LIMS1: variants seen among roughly 807,000 people sequenced by gnomAD.
LIMS1 encodes LIM zinc finger domain containing 1.
Under a neutral mutation model 44.1 loss-of-function variants are expected in LIMS1, and 18 were observed. The ratio of observed to expected loss-of-function variants is 0.41; its 90% CI spans 0.28 to 0.61. The LOEUF is 0.61. Ranked by LOEUF, LIMS1 falls within the 20% of genes least tolerant of loss-of-function variation. LIMS1 has a pLI of 0.32. For synonymous variants in LIMS1, 93 were observed against 149.1 expected (o/e 0.62, Z 2.74); for missense variants, 201 against 422.0 (o/e 0.48, Z 4.59).
intron 1 of LIMS1, among the ~76,000 whole-genome samples, chr2:108,573,883 A>G (rs148079364): frequency 9.8e-5 from 15 of 152,308 alleles, no homozygotes; most frequent in African/African-American, 3.6e-4. Context: ...GAAGACTTGG[A>G]GCAGCAGAGG....
intron 1 of LIMS1, among the ~76,000 whole-genome samples, chr2:108,590,875 CA>C (rs1262099572): frequency 1.3e-5 from 2 of 152,224 alleles, no homozygotes; most frequent in African/African-American, 4.8e-5. Context: ...ATTTGTTAAA[CA>C]GGGGCTTTGT....
At chr2:108,673,297 T>C (rs1692266335) in intron 5 of LIMS1, 2 of 545,298 alleles carry the variant, frequency 3.7e-6, no homozygotes, top group Admixed American at 3.4e-5. Context: ...TGTGCCTGTA[T>C]ACGCATACCT....
At chr2:108,612,872 A>T (rs1375786067) in intron 1 of LIMS1, among the ~76,000 whole-genome samples, 1 of 152,062 alleles carries the variant, frequency 6.6e-6, no homozygotes, top group Non-Finnish European at 1.5e-5. Flanking sequence ...CCAGTTTCCC[A>T]GAAGCTTCCG....
chr2:108,551,877 G>A (rs1253964213), intron 1 of LIMS1, among the ~76,000 whole-genome samples: 4 of 141,910 alleles, frequency 2.8e-5, no homozygotes, highest in Non-Finnish European at 4.5e-5. Flanking sequence ...GTATACATAT[G>A]TATATATGTG....
At chr2:108,578,893 C>T (rs1685779414) in intron 1 of LIMS1, among the ~76,000 whole-genome samples, 1 of 152,060 alleles carries the variant, frequency 6.6e-6, no homozygotes, top group African/African-American at 2.4e-5. Flanking sequence ...TGCTCCTGGT[C>T]ATGAAATGTA....
chr2:108,544,303 G>A (rs1684414042), intron 1 of LIMS1, among the ~76,000 whole-genome samples: 1 of 152,064 alleles, frequency 6.6e-6, no homozygotes, highest in South Asian at 2.1e-4. Context: ...TCAAAACATG[G>A]GCTGCAGACT....
At chr2:108,622,900 C>T (rs1405005843) in intron 1 of LIMS1, among the ~76,000 whole-genome samples, 3 of 150,980 alleles carry the variant, frequency 2.0e-5, no homozygotes, top group Non-Finnish European at 2.9e-5. Flanking sequence ...AGCCAAAGTA[C>T]TCATGAGTAA....
intron 1 of LIMS1, among the ~76,000 whole-genome samples, chr2:108,537,180 C>T (rs1558777879): frequency 6.6e-6 from 1 of 152,204 alleles, no homozygotes; most frequent in African/African-American, 2.4e-5. Context: ...CACAATGCTA[C>T]AGTGACTTCT....
chr2:108,676,275 G>A (rs1168302350), intron 6 of LIMS1, among the ~76,000 whole-genome samples: 3 of 152,220 alleles, frequency 2.0e-5, no homozygotes. Context: ...AATGATACAG[G>A]ATGTGTACTT....
intron 1 of LIMS1, among the ~76,000 whole-genome samples, chr2:108,539,086 GTT>G (rs939057119): frequency 2.0e-5 from 3 of 151,954 alleles, no homozygotes; most frequent in Non-Finnish European, 4.4e-5. Context: ...AGTGTTTTTT[GTT>G]TTGTTTTGTT....
chr2:108,609,836 T>C (rs924504892), intron 1 of LIMS1, among the ~76,000 whole-genome samples: 1 of 151,054 alleles, frequency 6.6e-6, no homozygotes, highest in African/African-American at 2.4e-5. Flanking sequence ...GTTGAAGTTT[T>C]TTTTTAACTT....
At position 108,551,489 on chromosome 2, in the gene LIMS1, GCGCACACACA is replaced by G. The variant is rs1458341084; in HGVS notation, c.32+16897_32+16906del. On this transcript the variant is annotated intron_variant, in intron 1 of 9. Transcript: ENST00000544547. ...ACTCTATATACATATATGCGCGCGC[GCGCACACACA>G]CACACACACACACACACACACACAC... 2.8e-3 allele frequency among the ~76,000 whole-genome samples: 317 copies of G among 111,962 alleles called. 1 individual carries two copies. The highest frequency in any genetic ancestry group is 9.4e-3 in the African/African-American group (268 of 28,490). The allele number at this position is 111,962 out of a possible 152,430, so 73.5% of individuals were successfully genotyped here.
intron 1 of LIMS1, among the ~76,000 whole-genome samples, chr2:108,615,718 T>C (rs1234981549): frequency 1.3e-5 from 2 of 152,122 alleles, no homozygotes; most frequent in Non-Finnish European, 2.9e-5. Context: ...TCTGACTATA[T>C]GAAGAAGGAG....
chr2:108,607,860 A>T (rs937571755), intron 1 of LIMS1, among the ~76,000 whole-genome samples: 13 of 152,078 alleles, frequency 8.5e-5, no homozygotes, highest in African/African-American at 2.9e-4. Context: ...TTGGTCTCAG[A>T]GTTAATGCCC....
intron 9 of LIMS1, among the ~76,000 whole-genome samples, chr2:108,683,636 C>T (rs543324618): frequency 6.6e-6 from 1 of 150,664 alleles, no homozygotes; most frequent in East Asian, 2.0e-4. Context: ...ATGTAATCTA[C>T]AGTCTGTGTT....
chr2:108,657,835 T>G (rs1385543088), intron 1 of LIMS1: 1 of 152,300 alleles, frequency 6.6e-6, no homozygotes, highest in Admixed American at 6.5e-5. Context: ...CTGCACGCAG[T>G]TATTTATGGC....
At chr2:108,569,765 T>TTTTTTTTTTC (rs1685423268) in intron 1 of LIMS1, among the ~76,000 whole-genome samples, 1 of 51,090 alleles carries the variant, frequency 2.0e-5, no homozygotes, top group Non-Finnish European at 4.7e-5. Context: ...CATATCTGGC[T>TTTTTTTTTTC]TTTTTTTTTT....
chr2:108,553,609 G>A (rs976551079), intron 1 of LIMS1, among the ~76,000 whole-genome samples: 2 of 152,116 alleles, frequency 1.3e-5, no homozygotes, highest in Non-Finnish European at 2.9e-5. Context: ...TGCTTGGAAG[G>A]TAAATCCCTT....
chr2:108,630,262 A>G (rs1688833494), intron 1 of LIMS1, among the ~76,000 whole-genome samples: 1 of 151,682 alleles, frequency 6.6e-6, no homozygotes, highest in Non-Finnish European at 1.5e-5. Flanking sequence ...TAAAATTGTG[A>G]TTTTAAAAAC....
Sources: gnomAD v4.1 joint callset for allele counts (sites outside exome capture counted in the v4.1 genomes callset) on GRCh38, gnomAD v4.1.1 for gene constraint, MANE v1.5 for transcripts, NCBI Gene and HGNC (gene_info 2026-07-23, HGNC 2026-07-21) for gene names.